Variants in ZMYND11 observed in about 807,000 individuals in gnomAD.
ZMYND11 encodes the protein zinc finger MYND domain-containing protein 11.
ZMYND11 carries 9 observed loss-of-function variants against 84.9 expected under a neutral mutation model. The observed-to-expected ratio is 0.11, with a 90% CI of 0.06 to 0.18. The LOEUF (loss-of-function observed/expected upper bound fraction) is 0.18, where lower values mean the gene tolerates loss of function less well. ZMYND11 is among the 10% of genes least tolerant of loss of function. The pLI is 1.00. For synonymous variants in ZMYND11, 250 were observed against 244.1 expected, an observed-to-expected ratio of 1.02 and a Z score of -0.23; for missense variants, 409 against 761.0, an observed-to-expected ratio of 0.54 and a Z score of 5.44.
intron 2 of ZMYND11, among the ~76,000 whole-genome samples, chr10:189,196 T>C (rs955856372): frequency 2.0e-5 from 3 of 152,236 alleles, no homozygotes; most frequent in Non-Finnish European, 4.4e-5. Flanking sequence ...TTCCTGTCGC[T>C]ACAGATATAC....
intron 5 of ZMYND11, 65 bp downstream of exon 5, chr10:236,980 C>A: frequency 6.8e-7 from 1 of 1,461,474 alleles, no homozygotes; most frequent in Non-Finnish European, 9.5e-7. Flanking sequence ...TTCATTCTTT[C>A]AAAGTTGAAT....
rs200268452 is a variant in ZMYND11, at chr10:209,870, G to T, written c.117-19G>T. 2.0e-5 allele frequency: 32 copies of T among 1,574,290 alleles called. No homozygotes were observed. The highest frequency in any genetic ancestry group is 7.5e-5 in the Admixed American group (4 of 53,124). ...TCAGTACTGAAAGATTTTTAAATTT[G>T]TTTTTCCTCTGTGTTCAGGTATATG... On this transcript the variant is annotated intron_variant, in intron 2 of 14. Coordinates refer to ENST00000381604, the MANE Select transcript of ZMYND11 (RefSeq NM_001370100.5).
intron 1 of ZMYND11, among the ~76,000 whole-genome samples, chr10:165,374 A>G (rs1264696819): frequency 1.6e-4 from 25 of 152,118 alleles, no homozygotes; most frequent in Admixed American, 6.6e-5. Flanking sequence ...CTCCTGGGGC[A>G]GTCTAATCTA....
At chr10:184,104 C>G (rs1185044031) in intron 2 of ZMYND11, among the ~76,000 whole-genome samples, 16 of 152,140 alleles carry the variant, frequency 1.1e-4, no homozygotes, top group Admixed American at 1.0e-3. Context: ...GTTTTATTTA[C>G]TTAACTCTTC....
intron 1 of ZMYND11, among the ~76,000 whole-genome samples, chr10:136,885 G>T (rs1417401967): frequency 1.3e-5 from 2 of 152,106 alleles, no homozygotes; most frequent in Non-Finnish European, 2.9e-5. Flanking sequence ...GTACCGTGCT[G>T]CCATATGCGG....
chr10:141,506 A>G (rs1286216731), intron 1 of ZMYND11, among the ~76,000 whole-genome samples: 2 of 152,182 alleles, frequency 1.3e-5, no homozygotes, highest in Admixed American at 6.5e-5. Flanking sequence ...GAATTAAGAT[A>G]AGTCGTATTT....
chr10:145,092 G>T (rs1425338076), intron 1 of ZMYND11, among the ~76,000 whole-genome samples: 2 of 150,842 alleles, frequency 1.3e-5, no homozygotes, highest in Non-Finnish European at 3.0e-5. Context: ...TTCTGCAAAA[G>T]ACGTTATTTT....
chr10:200,098 A>G (rs924746940), intron 2 of ZMYND11, among the ~76,000 whole-genome samples: 1 of 151,464 alleles, frequency 6.6e-6, no homozygotes, highest in South Asian at 2.1e-4. Flanking sequence ...TGATGAATAC[A>G]CACCATTTCT....
At position 209,958 on chromosome 10, in the gene ZMYND11, T is replaced by C. The variant is rs1944895214; in HGVS notation, c.186T>C (p.Asp62=). The change falls in exon 3 of 15, where the codon GAT becomes GAC. Residue 62 remains aspartate, a synonymous_variant. Coordinates refer to ENST00000381604, the MANE Select transcript of ZMYND11 (RefSeq NM_001370100.5). ...GTCAGCTGAGCTTAGCTGTGAAAGA[T>C]GGTCTTATTGTCGAAACTCTAACAG... ...TTRQLSLAVK[D]GLIVETLTVG... 1 of 1,614,028 alleles carries C rather than the reference T, an allele frequency of 6.2e-7. No individual in the cohort carries two copies. The highest frequency in any genetic ancestry group is 8.5e-7 in the Non-Finnish European group (1 of 1,180,002).
intron 13 of ZMYND11, 102 bp from the exon 14 acceptor site, chr10:248,801 A>T (rs1027889149): frequency 1.6e-5 from 23 of 1,444,578 alleles, no homozygotes; most frequent in Non-Finnish European, 2.0e-5. Flanking sequence ...AATGAAGGGG[A>T]AAAAAGGTAC....
intron 1 of ZMYND11, among the ~76,000 whole-genome samples, chr10:154,389 G>A (rs782788408): frequency 2.0e-5 from 3 of 152,088 alleles, no homozygotes; most frequent in African/African-American, 7.2e-5. Context: ...CACCATAAAC[G>A]GCAAAATCAC....
intron 4 of ZMYND11, 96 bp downstream of exon 4, chr10:221,452 G>C (rs1947116697): frequency 7.7e-7 from 1 of 1,297,886 alleles, no homozygotes; most frequent in East Asian, 2.4e-5. Context: ...CCAGGTGAAC[G>C]GATAAAGGAC....
chr10:169,606 A>G (rs901123958), intron 1 of ZMYND11, among the ~76,000 whole-genome samples: 7 of 152,188 alleles, frequency 4.6e-5, no homozygotes, highest in Non-Finnish European at 1.5e-5. Context: ...CTAAGAAGGA[A>G]TCAAGAAGTG....
intron 4 of ZMYND11, among the ~76,000 whole-genome samples, chr10:226,462 C>G (rs904851615): frequency 6.6e-6 from 1 of 152,144 alleles, no homozygotes; most frequent in Non-Finnish European, 1.5e-5. Context: ...ATTTCCTCCT[C>G]TTTAATATGT....
intron 1 of ZMYND11, among the ~76,000 whole-genome samples, chr10:160,323 A>T (rs1842677487): frequency 6.6e-6 from 1 of 152,246 alleles, no homozygotes; most frequent in Non-Finnish European, 1.5e-5. Flanking sequence ...CTTAATTAAA[A>T]AATACTTTAT....
chr10:211,677 C>T (rs1411409557), intron 3 of ZMYND11, among the ~76,000 whole-genome samples: 3 of 152,134 alleles, frequency 2.0e-5, no homozygotes, highest in African/African-American at 7.2e-5. Flanking sequence ...TTTCCAGCAA[C>T]AGAAAACATG....
In ZMYND11 at chr10:246,856, T is replaced by C. The variant is rs778890543; in HGVS notation, c.1041T>C (p.Cys347=). Residue 347 remains cysteine, a synonymous_variant, in exon 11 of 15, where the codon TGT becomes TGC. Coordinates refer to ENST00000381604, the MANE Select transcript of ZMYND11 (RefSeq NM_001370100.5). The part of the protein sequence containing the change: ...VKRSMGWKKA[C]DELELHQRFL... ...GCAGTATGGGTTGGAAAAAGGCCTG[T>C]GATGAGCTGGAGCTGCATCAGCGTT... The C allele has an allele frequency of 9.9e-6, 16 of 1,614,102 alleles. No individual in the cohort carries two copies. In the South Asian group the frequency reaches 1.6e-4, roughly 17 times the overall value.
At chr10:144,032 A>G (rs913347712) in intron 1 of ZMYND11, among the ~76,000 whole-genome samples, 3 of 151,628 alleles carry the variant, frequency 2.0e-5, no homozygotes, top group Non-Finnish European at 4.4e-5. Flanking sequence ...CTGCCATTTG[A>G]ATCATTTGAA....
chr10:241,090 T>C, intron 9 of ZMYND11, 120 bp downstream of exon 9: 1 of 679,656 alleles, frequency 1.5e-6, no homozygotes, highest in Non-Finnish European at 2.4e-6. Flanking sequence ...TATATGGGTT[T>C]AATGAGTATA....
Sources: gnomAD v4.1 joint callset for allele counts (sites outside exome capture counted in the v4.1 genomes callset) on GRCh38, gnomAD v4.1.1 for gene constraint, MANE v1.5 for transcripts, NCBI Gene and HGNC (gene_info 2026-07-23, HGNC 2026-07-21) for gene names.